Variants in DARS1 observed in about 807,000 individuals in gnomAD.
DARS1 encodes aspartate--tRNA ligase, cytoplasmic.
In DARS1, 51 loss-of-function variants were observed where a neutral mutation model predicts 68.8. That is an observed-to-expected ratio of 0.74 (90% CI 0.59 to 0.94). The LOEUF is 0.94. Among genes scored for constraint, DARS1 ranks in the 40% least tolerant of loss-of-function variants. The pLI, the probability that DARS1 is intolerant of heterozygous loss-of-function variation, is 0.00. For synonymous variants in DARS1, 203 were observed against 190.4 expected (o/e 1.07, Z -0.55); for missense variants, 607 against 597.3 (o/e 1.02, Z -0.17).
intron 4 of DARS1, among the ~76,000 whole-genome samples, chr2:135,955,586 C>T (rs577269776): frequency 5.4e-5 from 8 of 148,932 alleles, no homozygotes; most frequent in Non-Finnish European, 1.2e-4. Context: ...CACGTATTTG[C>T]TAATTAAAAC....
chr2:135,979,462 A>G (rs1682574500), intron 2 of DARS1, 96 bp from the exon 3 acceptor site: 2 of 702,204 alleles, frequency 2.8e-6, no homozygotes, highest in Admixed American at 4.3e-5. Context: ...TAGCATAAGT[A>G]CTTGGAACCA....
In DARS1 at chr2:135,905,999, A is replaced by G. The variant is rs931219085; in HGVS notation, c.*1317T>C. Among the ~76,000 whole-genome samples the G allele has an allele frequency of 1.3e-5, 2 of 152,190 alleles. No individual in the cohort carries two copies. The highest frequency in any genetic ancestry group is 2.9e-5 in the Non-Finnish European group (2 of 68,028). ...AGCAATTACACACTATAGAAGATGG[A>G]TATTTTATTCTTGCTGTGGATTAAA... On this transcript the variant is annotated 3_prime_UTR_variant, in exon 16 of 16. Coordinates refer to ENST00000264161, the MANE Select transcript of DARS1 (RefSeq NM_001349.4).
intron 1 of DARS1, 123 bp downstream of exon 1, chr2:135,985,280 G>T: frequency 7.0e-7 from 1 of 1,428,510 alleles, no homozygotes; most frequent in South Asian, 1.4e-5. Context: ...CGGACCCCAC[G>T]CCCGCAGCCT....
At chr2:135,980,868 T>C (rs1320091057) in intron 2 of DARS1, among the ~76,000 whole-genome samples, 1 of 152,226 alleles carries the variant, frequency 6.6e-6, no homozygotes, top group Non-Finnish European at 1.5e-5. Context: ...CTCTTCTTTC[T>C]TGTGGCATGG....
At chr2:135,942,981 G>T (rs1195291912) in intron 5 of DARS1, among the ~76,000 whole-genome samples, 1 of 152,206 alleles carries the variant, frequency 6.6e-6, no homozygotes, top group Non-Finnish European at 1.5e-5. Context: ...GACACAAGTA[G>T]AAGCTTGAAA....
chr2:135,922,948 T>G, intron 8 of DARS1, 30 bp from the exon 9 acceptor site: 1 of 1,467,452 alleles, frequency 6.8e-7, no homozygotes, highest in Non-Finnish European at 9.0e-7. Context: ...ATTTATATTA[T>G]TATAATCAAT....
rs185211629 is a variant in DARS1 at position 135,934,040 on chromosome 2, T to C, written c.424-50A>G. 11 of 1,583,856 alleles carry C rather than the reference T, an allele frequency of 6.9e-6. No homozygotes were observed. The African/African-American group carries it at 1.5e-4, about 21-fold the overall frequency. Reference sequence around the variant, plus strand: ...TAGTAGAAAGCACACAAAATCTGCATCTTTTTCTTAAAAAACAATCTACAG... The same window carrying C: ...TAGTAGAAAGCACACAAAATCTGCACCTTTTTCTTAAAAAACAATCTACAG... On this transcript the variant is annotated intron_variant, in intron 5 of 15. Transcript: ENST00000264161.
At chr2:135,979,976 G>C (rs1234088536) in intron 2 of DARS1, among the ~76,000 whole-genome samples, 1 of 152,188 alleles carries the variant, frequency 6.6e-6, no homozygotes, top group Non-Finnish European at 1.5e-5. Flanking sequence ...TGCAGGCCCA[G>C]GGCTGCAGCT....
chr2:135,916,974 G>T (rs886187878), intron 10 of DARS1, among the ~76,000 whole-genome samples: 7 of 152,042 alleles, frequency 4.6e-5, no homozygotes, highest in Non-Finnish European at 8.8e-5. Context: ...ATCACTTGAG[G>T]TCGGGAGTTT....
At chr2:135,942,917 C>A (rs1179802836) in intron 5 of DARS1, among the ~76,000 whole-genome samples, 1 of 152,180 alleles carries the variant, frequency 6.6e-6, no homozygotes, top group Non-Finnish European at 1.5e-5. Context: ...TTCTCTACCC[C>A]TTAAATCTAA....
chr2:135,924,845 C>T (rs1681180539), intron 7 of DARS1, among the ~76,000 whole-genome samples: 1 of 151,950 alleles, frequency 6.6e-6, no homozygotes, highest in Non-Finnish European at 1.5e-5. Flanking sequence ...TAAAGTGAGA[C>T]ATAGCAATGT....
In DARS1 at chr2:135,920,570, C is replaced by T; in HGVS notation, c.842G>A (p.Arg281Lys). ...VFRAEDSNTHRHLTEFVGLDI... is the reference protein window; with the variant it reads ...VFRAEDSNTHKHLTEFVGLDI... ...CAAACCAACAAACTCAGTTAGATGT[C>T]TATGGGTATTAGAGTCTTCCGCTCT... The change falls in exon 10 of 16, where the codon AGA becomes AAA. Residue 281 changes from arginine (R) to lysine (K), a missense_variant. Coordinates refer to ENST00000264161, the MANE Select transcript of DARS1 (RefSeq NM_001349.4). 2 of 1,613,128 alleles carry T rather than the reference C, an allele frequency of 1.2e-6. No individual in the cohort carries two copies.
Position 135,922,785 on chromosome 2 carries a change from T to G in DARS1, c.810A>C (p.Pro270=). The G allele has an allele frequency of 6.5e-7, 1 of 1,541,862 alleles. No homozygotes were observed. The highest frequency in any genetic ancestry group is 8.7e-7 in the Non-Finnish European group (1 of 1,151,230). ...ADFEKVFSIG[P]VFRAEDSNTH... ...AAAACATAACTGCCAAAATCTTACC[T>G]GGTCCAATAGAGAAAACCTTCTCAA... The change falls in exon 9 of 16, where the codon CCA becomes CCC. Residue 270 remains proline, a splice_region_variant and synonymous_variant. Coordinates refer to ENST00000264161, the MANE Select transcript of DARS1 (RefSeq NM_001349.4).
intron 9 of DARS1, among the ~76,000 whole-genome samples, 197 bp downstream of exon 9, chr2:135,922,587 T>A (rs1681127361): frequency 6.6e-6 from 1 of 152,210 alleles, no homozygotes; most frequent in African/African-American, 2.4e-5. Context: ...TTGACCATAT[T>A]ATTATTACTA....
At chr2:135,960,456 A>G (rs1245438625) in intron 4 of DARS1, among the ~76,000 whole-genome samples, 1 of 152,204 alleles carries the variant, frequency 6.6e-6, no homozygotes, top group Non-Finnish European at 1.5e-5. Context: ...TTTCTTTCCA[A>G]TTCTAAAATT....
At chr2:135,975,609 C>T (rs774692376) in intron 3 of DARS1, among the ~76,000 whole-genome samples, 1 of 151,888 alleles carries the variant, frequency 6.6e-6, no homozygotes, top group African/African-American at 2.4e-5. Flanking sequence ...CCCTGGCCAA[C>T]ATGGTGAGAC....
In DARS1 at chr2:135,916,358, A is replaced by G. The variant is rs142247219; in HGVS notation, c.974T>C (p.Ile325Thr). ...TGGGAACTGTTTATTCACTGTTTGA[A>G]TTTCAGTCTGAAACCTATTTGCAGA... ...KGLQERFQTE[I>T]QTVNKQFPCE... Residue 325 changes from isoleucine (I) to threonine (T), a missense_variant, in exon 11 of 16, where the codon ATT becomes ACT. By Grantham distance (89) the Ile-to-Thr change is moderately conservative. Coordinates refer to ENST00000264161, the MANE Select transcript of DARS1 (RefSeq NM_001349.4). 1 of 1,528,518 alleles carries G rather than the reference A, an allele frequency of 6.5e-7. No individual in the cohort carries two copies. The highest frequency in any genetic ancestry group is 9.1e-7 in the Non-Finnish European group (1 of 1,102,498). 94.7% of individuals were successfully genotyped at this position (1,528,518 alleles called of 1,614,324 possible).
intron 5 of DARS1, among the ~76,000 whole-genome samples, chr2:135,940,564 T>G (rs559826170): frequency 7.8e-4 from 119 of 152,100 alleles, no homozygotes; most frequent in African/African-American, 1.1e-3. Flanking sequence ...TACTGAATGG[T>G]CAAAAACTGG....
chr2:135,906,749 A>G lies in DARS1; in HGVS notation c.*567T>C, dbSNP rs1680788579. 6.6e-6 allele frequency: 1 copy of G among 152,224 alleles called. No individual in the cohort carries two copies. The highest frequency in any genetic ancestry group is 6.5e-5 in the Admixed American group (1 of 15,282). The allele number at this position is 152,224 out of a possible 1,614,324, so 9.4% of individuals were successfully genotyped here. A position where few individuals can be genotyped will look rare whatever the true frequency, so the allele number is the denominator to read the frequency against. ...AAATTAATACAATATTACACTGAATACTTTCTAACCAGTAGTTTAGCTTTA... is the reference window on the plus strand; with the variant it reads ...AAATTAATACAATATTACACTGAATGCTTTCTAACCAGTAGTTTAGCTTTA... On this transcript the variant is annotated 3_prime_UTR_variant, in exon 16 of 16. Coordinates refer to ENST00000264161, the MANE Select transcript of DARS1 (RefSeq NM_001349.4).
Sources: allele counts gnomAD v4.1 joint callset (sites outside exome capture counted in the v4.1 genomes callset), GRCh38; gene constraint gnomAD v4.1.1; transcripts MANE v1.5; gene names NCBI Gene and HGNC (gene_info 2026-07-23, HGNC 2026-07-21).